SNX31: variants seen among roughly 807,000 people sequenced by gnomAD.
The protein encoded by SNX31 is sorting nexin 31, also known as sorting nexin-31.
Under a neutral mutation model 65.4 loss-of-function variants are expected in SNX31, and 58 were observed. The ratio of observed to expected loss-of-function variants is 0.89; its 90% CI spans 0.72 to 1.10. The LOEUF (loss-of-function observed/expected upper bound fraction) is 1.10. Ranked by LOEUF, SNX31 falls within the 50% of genes least tolerant of loss-of-function variation. The probability of loss-of-function intolerance (pLI) is 0.00; values close to 1 mark genes in which losing one functional copy is unlikely to be tolerated. For synonymous variants in SNX31, 181 were observed against 190.1 expected, an observed-to-expected ratio of 0.95 and a Z score of 0.39; for missense variants, 523 against 529.7, an observed-to-expected ratio of 0.99 and a Z score of 0.12.
At position 100,614,602 on chromosome 8, in the gene SNX31, C is replaced by T. The variant is rs767294409; in HGVS notation, c.433-1517G>A. Among the ~76,000 whole-genome samples, 12 of 152,096 alleles carry T rather than the reference C, an allele frequency of 7.9e-5. No individual in the cohort carries two copies. Among genetic ancestry groups the T allele is most frequent in the African/African-American group, 2.7e-4 (11 of 41,404 alleles). ...TTAAAGAGGCCATTGAGGCCCGGCA[C>T]GGTGGCTCATGCCTGTAATCCCAGC... is the stretch of plus-strand genomic sequence containing the variant. On this transcript the variant is annotated intron_variant, in intron 5 of 13. Transcript: ENST00000311812. The surrounding 1 kb of genome is among the most constrained non-coding windows in gnomAD (Gnocchi z 5.1).
chr8:100,573,908 T>G lies in SNX31; in HGVS notation c.1280A>C (p.Lys427Thr), dbSNP rs772321553. The change falls in exon 14 of 14, where the codon AAA (lysine) becomes ACA (threonine). Residue 427 changes from lysine to threonine, a missense_variant. By Grantham distance (78) the Lys-to-Thr change is moderately conservative. Coordinates refer to ENST00000311812, the MANE Select transcript of SNX31 (RefSeq NM_152628.4). The part of the protein sequence containing the change: ...LSRKSKIKIA[K>T]DDCVFGNIKE... ...TATGTTCCCAAAAACGCAGTCATCT[T>G]TAGCTATCTTAATCTTGCTTTTTCT... 1 of 1,591,648 alleles carries G rather than the reference T, an allele frequency of 6.3e-7. No homozygotes were observed. Among genetic ancestry groups the G allele is most frequent in the Non-Finnish European group, 8.5e-7 (1 of 1,169,808 alleles).
At chr8:100,597,128 A>G (rs949964548) in intron 9 of SNX31, among the ~76,000 whole-genome samples, 4 of 152,200 alleles carry the variant, frequency 2.6e-5, no homozygotes, top group African/African-American at 9.6e-5. Flanking sequence ...TACACAGTGG[A>G]AATGAAAATA....
upstream of SNX31, among the ~76,000 whole-genome samples, chr8:100,653,483 A>G (rs1234505545): frequency 6.6e-6 from 1 of 152,238 alleles, no homozygotes; most frequent in Non-Finnish European, 1.5e-5. Flanking sequence ...AAGGAAATAC[A>G]GAGACACAGA....
intron 7 of SNX31, among the ~76,000 whole-genome samples, chr8:100,611,184 T>C (rs1816680516): frequency 6.6e-6 from 1 of 152,190 alleles, no homozygotes; most frequent in Admixed American, 6.5e-5. Flanking sequence ...TCAAATTCAC[T>C]GCAACCTGGC....
intron 2 of SNX31, among the ~76,000 whole-genome samples, chr8:100,640,004 A>G (rs1563578526): frequency 6.6e-6 from 1 of 152,372 alleles, no homozygotes; most frequent in East Asian, 1.9e-4. Context: ...CCAACCAAGT[A>G]GTAGTGAAAT....
intron 12 of SNX31, among the ~76,000 whole-genome samples, chr8:100,582,774 G>C (rs943467734): frequency 6.6e-6 from 1 of 151,688 alleles, no homozygotes; most frequent in Non-Finnish European, 1.5e-5. Context: ...TCAGGAGATC[G>C]AGACCATCCT....
chr8:100,656,023 T>G (rs186071257), intron 1 of SNX31, among the ~76,000 whole-genome samples: 6 of 152,278 alleles, frequency 3.9e-5, no homozygotes, highest in African/African-American at 1.4e-4. Flanking sequence ...GCATCATCTG[T>G]GATAATCTCT....
At chr8:100,628,994 T>C (rs565806557) in intron 4 of SNX31, among the ~76,000 whole-genome samples, 1 of 152,300 alleles carries the variant, frequency 6.6e-6, no homozygotes, top group Non-Finnish European at 1.5e-5. Flanking sequence ...GTCTACAGTA[T>C]GCAGTACAGT....
intron 12 of SNX31, among the ~76,000 whole-genome samples, chr8:100,583,484 T>C (rs1035552433): frequency 3.9e-5 from 6 of 152,212 alleles, no homozygotes; most frequent in African/African-American, 1.2e-4. Context: ...TGATAACGAC[T>C]AGGCAATTAA....
In SNX31 at chr8:100,581,329, C is replaced by CTATATA. The variant is rs1491502174; in HGVS notation, c.1170+2781_1170+2782insTATATA. ...AAATTTTTTATATATCTATATCTAT[C>CTATATA]TATCTATCTATATATATATATATAT... On this transcript the variant is annotated intron_variant, in intron 12 of 13. Coordinates refer to ENST00000311812, the MANE Select transcript of SNX31 (RefSeq NM_152628.4). Among the ~76,000 whole-genome samples, 81 of 80,164 alleles carry CTATATA rather than the reference C, an allele frequency of 1.0e-3. 2 individuals carry two copies. The highest frequency in any genetic ancestry group is 2.7e-3 in the Admixed American group (25 of 9,360). The allele number at this position is 80,164 out of a possible 152,430, so 52.6% of individuals were successfully genotyped here.
At chr8:100,593,534 AC>A (rs1586881726) in intron 10 of SNX31, among the ~76,000 whole-genome samples, 1 of 149,772 alleles carries the variant, frequency 6.7e-6, no homozygotes, top group Admixed American at 7.0e-5. Flanking sequence ...GCTCACTGCA[AC>A]CTCCCCCTCC....
chr8:100,632,320 G>A (rs1257287657), intron 3 of SNX31, among the ~76,000 whole-genome samples: 1 of 152,150 alleles, frequency 6.6e-6, no homozygotes, highest in Non-Finnish European at 1.5e-5. Flanking sequence ...CTAAGGGAGA[G>A]TGAAAATTCA....
intron 2 of SNX31, among the ~76,000 whole-genome samples, chr8:100,639,591 TATATTA>T (rs1303338772): frequency 2.3e-5 from 1 of 42,614 alleles, no homozygotes; most frequent in Non-Finnish European, 4.4e-5. Flanking sequence ...TAGAGTTGAA[TATATTA>T]GTATGACCAC....
chr8:100,641,950 G>A (rs1013888092), intron 2 of SNX31, among the ~76,000 whole-genome samples: 3 of 151,732 alleles, frequency 2.0e-5, no homozygotes, highest in African/African-American at 4.8e-5. Flanking sequence ...TTGGTGGCAG[G>A]TGCCTGTAGT....
chr8:100,586,852 G>A (rs974388517), intron 11 of SNX31, among the ~76,000 whole-genome samples: 1 of 152,142 alleles, frequency 6.6e-6, no homozygotes, highest in African/African-American at 2.4e-5. Flanking sequence ...GATGCAAAGA[G>A]TACTTTACTA....
chr8:100,598,687 T>C (rs1815334269), intron 9 of SNX31, among the ~76,000 whole-genome samples: 1 of 149,898 alleles, frequency 6.7e-6, no homozygotes, highest in Non-Finnish European at 1.5e-5. Flanking sequence ...AAAAAGACAA[T>C]TTAACATACA....
chr8:100,597,864 C>T (rs1050631590), intron 9 of SNX31, among the ~76,000 whole-genome samples: 1 of 152,196 alleles, frequency 6.6e-6, no homozygotes, highest in African/African-American at 2.4e-5. Flanking sequence ...TTAATGATTG[C>T]ATTTAAATAA....
intron 10 of SNX31, among the ~76,000 whole-genome samples, chr8:100,593,855 A>T (rs1586883024): frequency 6.6e-6 from 1 of 151,708 alleles, no homozygotes; most frequent in East Asian, 1.9e-4. Flanking sequence ...TTAGGAAAAA[A>T]AATAGAAAAA....
chr8:100,619,443 G>C (rs1411778452), intron 4 of SNX31, among the ~76,000 whole-genome samples: 2 of 152,226 alleles, frequency 1.3e-5, no homozygotes, highest in South Asian at 4.1e-4. Flanking sequence ...GGAAGGATGT[G>C]TGCTAGAAGC....
Sources: gnomAD v4.1 joint callset for allele counts (sites outside exome capture counted in the v4.1 genomes callset) on GRCh38, gnomAD v4.1.1 for gene constraint, Gnocchi (gnomAD v3.1) non-coding constraint, MANE v1.5 for transcripts, NCBI Gene and HGNC (gene_info 2026-07-23, HGNC 2026-07-21) for gene names.